The following NEO1 variants were observed in gnomAD, a reference collection of about 807,000 sequenced individuals.
NEO1 encodes neogenin.
NEO1 carries 63 observed loss-of-function variants against 159.7 expected under a neutral mutation model. The observed-to-expected ratio is 0.39, with a 90% CI of 0.32 to 0.49. NEO1 has a LOEUF of 0.49. Ranked by LOEUF, NEO1 falls within the 20% of genes least tolerant of loss-of-function variation. The pLI is 0.85. For synonymous variants in NEO1, 633 were observed against 662.0 expected (o/e 0.96, Z 0.67); for missense variants, 1,615 against 1,831.0 (o/e 0.88, Z 2.15).
chr15:73,241,194 C>T (rs1229910605), intron 8 of NEO1, among the ~76,000 whole-genome samples: 1 of 152,124 alleles, frequency 6.6e-6, no homozygotes, highest in Non-Finnish European at 1.5e-5. Flanking sequence ...CTTAAAAAAG[C>T]AGTACTTTTC....
chr15:73,297,194 G>A (rs1048505502), intron 26 of NEO1, among the ~76,000 whole-genome samples: 3 of 152,166 alleles, frequency 2.0e-5, no homozygotes, highest in Non-Finnish European at 2.9e-5. Flanking sequence ...TGGTAGTCTG[G>A]GTGTGGAAAG....
intron 7 of NEO1, among the ~76,000 whole-genome samples, chr15:73,200,670 C>CTT (rs931779531): frequency 0.015 from 1,357 of 92,796 alleles, 49 homozygotes; most frequent in African/African-American, 0.024. Context: ...ATTCCCTTAT[C>CTT]TTTTTTTTTT....
At chr15:73,218,981 C>T (rs2038069174) in intron 7 of NEO1, among the ~76,000 whole-genome samples, 1 of 151,812 alleles carries the variant, frequency 6.6e-6, no homozygotes, top group Admixed American at 6.6e-5. Flanking sequence ...AATGTGTTTG[C>T]TCTTGCTTCT....
intron 1 of NEO1, among the ~76,000 whole-genome samples, chr15:73,060,968 C>T (rs2067948160): frequency 6.6e-6 from 1 of 152,126 alleles, no homozygotes; most frequent in Non-Finnish European, 1.5e-5. Context: ...TTAATCGTAC[C>T]TCACCTACAT....
intron 1 of NEO1, among the ~76,000 whole-genome samples, chr15:73,069,261 C>T (rs1356647139): frequency 2.0e-5 from 3 of 151,830 alleles, no homozygotes; most frequent in Admixed American, 6.6e-5. Context: ...TGCGCACAGC[C>T]GAGTAGGGGC....
At chr15:73,089,386 T>A (rs577709265) in intron 1 of NEO1, among the ~76,000 whole-genome samples, 171 of 152,134 alleles carry the variant, frequency 1.1e-3, no homozygotes, top group African/African-American at 3.7e-3. Context: ...TAGGCAATAT[T>A]TTTTTTTCTG....
At chr15:73,264,956 G>C (rs1482359603) in intron 15 of NEO1, among the ~76,000 whole-genome samples, 2 of 152,204 alleles carry the variant, frequency 1.3e-5, no homozygotes, top group African/African-American at 2.4e-5. Context: ...TGCTGAGGGA[G>C]AGAAATGGGC....
chr15:73,193,067 C>T (rs1159531394), intron 7 of NEO1, among the ~76,000 whole-genome samples: 1 of 151,942 alleles, frequency 6.6e-6, no homozygotes, highest in Non-Finnish European at 1.5e-5. Context: ...AAGTATTTGG[C>T]AACAGTCTGC....
chr15:73,144,328 AT>A (rs1303230640), intron 5 of NEO1, among the ~76,000 whole-genome samples: 2 of 152,192 alleles, frequency 1.3e-5, no homozygotes, highest in African/African-American at 2.4e-5. Flanking sequence ...ATTAAAAAAA[AT>A]AACTGAAGCC....
chr15:73,229,251 C>T (rs1008817251), intron 7 of NEO1, among the ~76,000 whole-genome samples: 2 of 151,640 alleles, frequency 1.3e-5, no homozygotes, highest in African/African-American at 2.4e-5. Flanking sequence ...AGGTTTATTC[C>T]TGAGTATCTT....
At chr15:73,190,684 A>T (rs1273581945) in intron 7 of NEO1, among the ~76,000 whole-genome samples, 1 of 152,164 alleles carries the variant, frequency 6.6e-6, no homozygotes, top group Non-Finnish European at 1.5e-5. Flanking sequence ...GTTGATGTTA[A>T]TTAAAGGATA....
chr15:73,122,659 G>A lies in NEO1; in HGVS notation c.583G>A (p.Asp195Asn), dbSNP rs764365112. The A allele has an allele frequency of 9.3e-6, 15 of 1,613,986 alleles. 1 individual carries two copies. Among genetic ancestry groups the A allele is most frequent in the Middle Eastern group, 1.6e-4 (1 of 6,084 alleles). Reference protein sequence around the residue: ...WEQNRQPLLLDDRVIKLPSGM... With the variant: ...WEQNRQPLLLNDRVIKLPSGM... ...ACAGAACAGACAACCCCTTCTTCTG[G>A]ATGATAGAGTTATCAAACTTCCAAG... The change falls in exon 3 of 29, where the codon GAT (aspartate) becomes AAT (asparagine). Residue 195 changes from aspartate (D) to asparagine (N), a missense_variant. This residue lies in a region of NEO1 where 1,018 missense variants were observed against 1,115.4 expected (regional missense o/e 0.91). Transcript: ENST00000261908.
intron 6 of NEO1, among the ~76,000 whole-genome samples, chr15:73,178,105 A>G (rs1415246552): frequency 6.6e-6 from 1 of 152,206 alleles, no homozygotes; most frequent in Non-Finnish European, 1.5e-5. Flanking sequence ...GAATGACAGT[A>G]TGTACTCTTC....
chr15:73,244,396 A>G lies in NEO1; in HGVS notation c.1504A>G (p.Asn502Asp). 6.2e-7 allele frequency: 1 copy of G among 1,613,990 alleles called. No individual in the cohort carries two copies. Among genetic ancestry groups the G allele is most frequent in the Non-Finnish European group, 8.5e-7 (1 of 1,179,930 alleles). ...AGGAGAGATGCAAGTAACCATTCAA[A>G]ACCTAATGCCAGCGACCGTGTACAT... ...HPGEMQVTIQ[N>D]LMPATVYIFR... Residue 502 changes from asparagine to aspartate, a missense_variant, in exon 9 of 29, where the codon AAC becomes GAC. Coordinates refer to ENST00000261908, the MANE Select transcript of NEO1 (RefSeq NM_002499.4).
chr15:73,085,193 C>T (rs975308334), intron 1 of NEO1, among the ~76,000 whole-genome samples: 1 of 152,158 alleles, frequency 6.6e-6, no homozygotes, highest in African/African-American at 2.4e-5. Context: ...ATTCACCATC[C>T]CTTTCCCTTT....
intron 1 of NEO1, among the ~76,000 whole-genome samples, chr15:73,113,617 A>G (rs901292383): frequency 3.3e-5 from 5 of 152,132 alleles, no homozygotes; most frequent in African/African-American, 1.2e-4. Flanking sequence ...TGTACCTGTG[A>G]TATCTTTGTG....
In NEO1 at chr15:73,140,947, T is replaced by G. The variant is rs1010912597; in HGVS notation, c.1015+4920T>G. 2.0e-5 allele frequency among the ~76,000 whole-genome samples: 3 copies of G among 152,212 alleles called. No individual in the cohort carries two copies. In the East Asian group the frequency reaches 5.8e-4, roughly 29 times the overall value. ...TTTTAGAAGTCAGAATACTGATTAC[T>G]TTTGGAGAAGGGCAGAATCGTTACC... On this transcript the variant is annotated intron_variant, in intron 5 of 28. Transcript: ENST00000261908.
At chr15:73,109,393 G>A (rs2151564269) in intron 1 of NEO1, among the ~76,000 whole-genome samples, 1 of 152,250 alleles carries the variant, frequency 6.6e-6, no homozygotes, top group South Asian at 2.1e-4. Flanking sequence ...GAGAAATTAA[G>A]CAACTAGCAC....
chr15:73,088,967 T>G (rs1318014300), intron 1 of NEO1, among the ~76,000 whole-genome samples: 4 of 152,138 alleles, frequency 2.6e-5, no homozygotes, highest in African/African-American at 9.7e-5. Context: ...GAGCTTGAGT[T>G]GACTTGAAGG....
Sources: gnomAD v4.1 joint callset for allele counts (sites outside exome capture counted in the v4.1 genomes callset) on GRCh38, gnomAD v4.1.1 for gene constraint, gnomAD v4.1.1 regional missense constraint, MANE v1.5 for transcripts, NCBI Gene and HGNC (gene_info 2026-07-23, HGNC 2026-07-21) for gene names.